PYCR3: variants seen among roughly 807,000 people sequenced by gnomAD.
PYCR3 encodes pyrroline-5-carboxylate reductase 3.
Under a neutral mutation model 23.4 loss-of-function variants are expected in PYCR3, and 26 were observed. The observed-to-expected ratio is 1.11, with a 90% CI of 0.81 to 1.54. The LOEUF (loss-of-function observed/expected upper bound fraction) is 1.54. Among genes scored for constraint, PYCR3 ranks in the 40% most tolerant of loss-of-function variants. PYCR3 has a pLI of 0.00. For synonymous variants in PYCR3, 194 were observed against 162.6 expected (o/e 1.19, Z -1.47); for missense variants, 360 against 376.3 (o/e 0.96, Z 0.36).
In PYCR3 at chr8:143,607,140, A is replaced by G. The variant is rs1043259812; in HGVS notation, c.157-8T>C. 5 of 1,553,390 alleles carry G rather than the reference A, an allele frequency of 3.2e-6. No homozygotes were observed. In the African/African-American group the frequency reaches 4.1e-5, roughly 13 times the overall value. On this transcript the variant is annotated splice_region_variant and splice_polypyrimidine_tract_variant and intron_variant, in intron 2 of 5. Coordinates refer to ENST00000495276, the MANE Select transcript of PYCR3 (RefSeq NM_023078.6). ...GGTCCGGCAACCCAGAGCCTGCGCCAGGGACACCAGGACCAAGCCTCAGGG... is the reference window on the plus strand; with the variant it reads ...GGTCCGGCAACCCAGAGCCTGCGCCGGGGACACCAGGACCAAGCCTCAGGG...
At position 143,605,475 on chromosome 8, in the gene PYCR3, C is replaced by T. The variant is rs778828658; in HGVS notation, c.*225G>A. 7.2e-6 allele frequency: 4 copies of T among 554,628 alleles called. No homozygotes were observed. Among genetic ancestry groups the T allele is most frequent in the Admixed American group, 3.1e-5 (1 of 32,228 alleles). 34.4% of individuals were successfully genotyped at this position (554,628 alleles called of 1,614,324 possible). A position where few individuals can be genotyped will look rare whatever the true frequency, so the allele number is the denominator to read the frequency against. ...TCACTGCAGCAAGGGGCAGAGCCAC[C>T]ACCACGGTGCCTTCTGCTCACTGGG... On this transcript the variant is annotated 3_prime_UTR_variant, in exon 6 of 6. Transcript: ENST00000495276.
chr8:143,608,505 ACAGAAGGCCCAATCGGG>A, intron 1 of PYCR3: 1 of 337,930 alleles, frequency 3.0e-6, no homozygotes, highest in South Asian at 2.7e-5. Flanking sequence ...TTGATTGGCC[ACAGAAGGCCCAATCGGG>A]GCCCAGGTTC....
rs746811521 is a variant in PYCR3, at chr8:143,606,694, G to A, written c.337-15C>T. On this transcript the variant is annotated splice_polypyrimidine_tract_variant and intron_variant, in intron 3 of 5. Transcript: ENST00000495276. ...GGGGGCAGCAGCTGGCCAGAGAGAG[G>A]TCAGAATCAGGGAGTCTGTAGGACT... 8.9e-6 allele frequency: 14 copies of A among 1,569,854 alleles called. No homozygotes were observed. Among genetic ancestry groups the A allele is most frequent in the East Asian group, 2.3e-5 (1 of 42,646 alleles).
rs59904082 is a variant in PYCR3, at chr8:143,607,785, G to A, written c.156+277C>T. 0.014 allele frequency among the ~76,000 whole-genome samples: 2,068 copies of A among 151,902 alleles called. 48 individuals are homozygous for A. Among genetic ancestry groups the A allele is most frequent in the African/African-American group, 0.046 (1,890 of 41,416 alleles). ...AGCACATACATACACACATGCACAC[G>A]CATAGCCTCACATATACACACGTGC... is the stretch of plus-strand genomic sequence containing the variant. On this transcript the variant is annotated intron_variant, in intron 2 of 5. Coordinates refer to ENST00000495276, the MANE Select transcript of PYCR3 (RefSeq NM_023078.6).
In PYCR3 at chr8:143,604,503, G is replaced by A; in HGVS notation, c.*1197C>T. The A allele has an allele frequency of 3.6e-6, 1 of 280,006 alleles. No individual in the cohort carries two copies. Among genetic ancestry groups the A allele is most frequent in the Non-Finnish European group, 7.0e-6 (1 of 143,088 alleles). The allele number at this position is 280,006 out of a possible 1,614,324, so 17.3% of individuals were successfully genotyped here. The stretch of plus-strand genomic sequence containing the variant: ...CTGTTTTGCACTGGTGGATTGATCT[G>A]CTCAGGCGCACAGGGAGATGGCACA... On this transcript the variant is annotated 3_prime_UTR_variant, in exon 6 of 6. Transcript: ENST00000495276.
chr8:143,605,730 G>A lies in PYCR3; in HGVS notation c.795C>T (p.Thr265=), dbSNP rs374752708. Residue 265 remains threonine, a synonymous_variant, in exon 6 of 6, where the codon ACC becomes ACT. Coordinates refer to ENST00000495276, the MANE Select transcript of PYCR3 (RefSeq NM_023078.6). ...AATMSAVEAA[T]CRAKELSRK Reference sequence around the variant, plus strand: ...TTCTGCTGAGCTCCTTGGCCCGGCAGGTGGCAGCCTCCACGGCGCTCATGG... The same window carrying A: ...TTCTGCTGAGCTCCTTGGCCCGGCAAGTGGCAGCCTCCACGGCGCTCATGG... 5 of 1,604,390 alleles carry A rather than the reference G, an allele frequency of 3.1e-6. No homozygotes were observed. In the African/African-American group the frequency reaches 6.7e-5, roughly 21 times the overall value.
intron 1 of PYCR3, chr8:143,608,716 A>C (rs10097337): frequency 0.62 from 246,354 of 400,048 alleles, 78,748 homozygotes; most frequent in Middle Eastern, 0.68. Context: ...GTGGCAGCCA[A>C]ACACACCAGT....
Position 143,608,979 on chromosome 8 carries a change from G to A in PYCR3, c.91+479C>T, listed in dbSNP as rs1829473285. On this transcript the variant is annotated intron_variant, in intron 1 of 5. Coordinates refer to ENST00000495276, the MANE Select transcript of PYCR3 (RefSeq NM_023078.6). Reference sequence around the variant, plus strand: ...TATATGGTCAGCATAAATATTCCGGGTATAAAGCAGTGTTTCTCAACAGGG... The same window carrying A: ...TATATGGTCAGCATAAATATTCCGGATATAAAGCAGTGTTTCTCAACAGGG... 5 of 440,010 alleles carry A rather than the reference G, an allele frequency of 1.1e-5. 1 individual carries two copies. The highest frequency in any genetic ancestry group is 8.0e-5 in the South Asian group (5 of 62,546). 27.3% of individuals were successfully genotyped at this position (440,010 alleles called of 1,614,324 possible).
chr8:143,609,436 G>C, intron 1 of PYCR3, 22 bp downstream of exon 1: 1 of 1,491,002 alleles, frequency 6.7e-7, no homozygotes, highest in Non-Finnish European at 8.9e-7. Flanking sequence ...CAGACCGCAG[G>C]CCTAGCCCCG....
chr8:143,604,366 G>GTC lies in PYCR3; in HGVS notation c.*1333_*1334insGA. 1 of 157,038 alleles carries GTC rather than the reference G, an allele frequency of 6.4e-6. No homozygotes were observed. The highest frequency in any genetic ancestry group is 6.4e-5 in the Admixed American group (1 of 15,528). The allele number at this position is 157,038 out of a possible 1,614,324, so 9.7% of individuals were successfully genotyped here. On this transcript the variant is annotated 3_prime_UTR_variant, in exon 6 of 6. Coordinates refer to ENST00000495276, the MANE Select transcript of PYCR3 (RefSeq NM_023078.6). ...AGGCAGGGGAGGGAGCTTACGGACGGGCTAGGCTCAGGAGAGTAAGAGAGA... is the reference window on the plus strand; with the variant it reads ...AGGCAGGGGAGGGAGCTTACGGACGGTCGCTAGGCTCAGGAGAGTAAGAGAGA...
Position 143,606,101 on chromosome 8 carries a change from G to A in PYCR3, c.603C>T (p.Pro201=), listed in dbSNP as rs1829389055. ...LAEGAVKMGM[P]SSLAHRIAAQ... ...CAGCGATGCGGTGGGCCAGGCTGCT[G>A]GGCATGCCCATCTTGACGGCTCCTT... Residue 201 remains proline (P), a synonymous_variant, in exon 5 of 6, where the codon CCC becomes CCT. Coordinates refer to ENST00000495276, the MANE Select transcript of PYCR3 (RefSeq NM_023078.6). The A allele has an allele frequency of 2.5e-6, 4 of 1,610,878 alleles. No individual in the cohort carries two copies. The highest frequency in any genetic ancestry group is 1.3e-5 in the African/African-American group (1 of 74,918).
intron 4 of PYCR3, 52 bp downstream of exon 4, chr8:143,606,415 G>C: frequency 6.4e-7 from 1 of 1,570,892 alleles, no homozygotes. Flanking sequence ...GGACTGGGGT[G>C]GGCCCCCTCT....
intron 1 of PYCR3, among the ~76,000 whole-genome samples, chr8:143,609,209 G>A (rs1204830481): frequency 6.6e-6 from 1 of 152,264 alleles, no homozygotes; most frequent in African/African-American, 2.4e-5. Flanking sequence ...GAGGCTGGAA[G>A]AGGTGAGCCT....
In PYCR3 at chr8:143,605,695, C is replaced by T; in HGVS notation, c.*5G>A. ...AGAGGCAGGAAAGGATGGCCAGAGCCCAGCCTACTTTCTGCTGAGCTCCTT... is the reference window on the plus strand; with the variant it reads ...AGAGGCAGGAAAGGATGGCCAGAGCTCAGCCTACTTTCTGCTGAGCTCCTT... On this transcript the variant is annotated 3_prime_UTR_variant, in exon 6 of 6. Coordinates refer to ENST00000495276, the MANE Select transcript of PYCR3 (RefSeq NM_023078.6). 3 of 1,589,144 alleles carry T rather than the reference C, an allele frequency of 1.9e-6. No individual in the cohort carries two copies. Among genetic ancestry groups the T allele is most frequent in the Non-Finnish European group, 2.6e-6 (3 of 1,162,764 alleles).
At position 143,605,650 on chromosome 8, in the gene PYCR3, A is replaced by T; in HGVS notation, c.*50T>A. The T allele has an allele frequency of 6.5e-7, 1 of 1,527,052 alleles. No homozygotes were observed. The highest frequency in any genetic ancestry group is 8.9e-7 in the Non-Finnish European group (1 of 1,121,228). The allele number at this position is 1,527,052 out of a possible 1,614,324, so 94.6% of individuals were successfully genotyped here. ...AGCCGCAGTCCTCAGGGGAAGGGAC[A>T]CAGGGAGAGGCAGGGGCACAGAGGC... On this transcript the variant is annotated 3_prime_UTR_variant, in exon 6 of 6. Transcript: ENST00000495276.
rs780229319 is a variant in PYCR3 at position 143,603,730 on chromosome 8, G to A, written c.*1970C>T. 1.1e-4 allele frequency among the ~76,000 whole-genome samples: 17 copies of A among 152,184 alleles called. No homozygotes were observed. The highest frequency in any genetic ancestry group is 3.4e-4 in the African/African-American group (14 of 41,446). Reference sequence around the variant, plus strand: ...GCATACAGTCCCCTGGGGTGACAGCGTGCAGGGGAAACTGCAATTCCATGC... The same window carrying A: ...GCATACAGTCCCCTGGGGTGACAGCATGCAGGGGAAACTGCAATTCCATGC... On this transcript the variant is annotated 3_prime_UTR_variant, in exon 6 of 6. Coordinates refer to ENST00000495276, the MANE Select transcript of PYCR3 (RefSeq NM_023078.6).
chr8:143,606,525 T>G lies in PYCR3; in HGVS notation c.491A>C (p.Glu164Ala). ...GATGTCGACGTAGGCTTCAGGCACC[T>G]CCTCACACCGCCCACAGGCCTCCAG... ...HLLEACGRCE[E>A]VPEAYVDIHT... Residue 164 changes from glutamate to alanine, a missense_variant, in exon 4 of 6, where the codon GAG (glutamate) becomes GCG (alanine). Physicochemically the swap from Glu to Ala is moderately radical, Grantham distance 107 (BLOSUM62 -1). Coordinates refer to ENST00000495276, the MANE Select transcript of PYCR3 (RefSeq NM_023078.6). 2.5e-6 allele frequency: 4 copies of G among 1,612,796 alleles called. No individual in the cohort carries two copies. The highest frequency in any genetic ancestry group is 2.2e-5 in the East Asian group (1 of 44,870).
Position 143,608,095 on chromosome 8 carries a change from A to G in PYCR3, c.123T>C (p.Ser41=). The G allele has an allele frequency of 6.2e-7, 1 of 1,613,698 alleles. No homozygotes were observed. Among genetic ancestry groups the G allele is most frequent in the Non-Finnish European group, 8.5e-7 (1 of 1,179,706 alleles). Residue 41 remains serine (S), a synonymous_variant, in exon 2 of 6, where the codon AGT becomes AGC. Coordinates refer to ENST00000495276, the MANE Select transcript of PYCR3 (RefSeq NM_023078.6). Reference sequence around the variant, plus strand: ...GACATAGGTTCCTGTCTGTTGGTGCACTGGCCAGTATGTGCTGAGCTTCCA... The same window carrying G: ...GACATAGGTTCCTGTCTGTTGGTGCGCTGGCCAGTATGTGCTGAGCTTCCA... ...GKVEAQHILA[S]APTDRNLCHF...
At position 143,605,561 on chromosome 8, in the gene PYCR3, C is replaced by T. The variant is rs1333618972; in HGVS notation, c.*139G>A. On this transcript the variant is annotated 3_prime_UTR_variant, in exon 6 of 6. Transcript: ENST00000495276. ...GCCTGCTGGAACCTCCCAAGTCCTG[C>T]CCCCTGCATTTCCCTGTGCAAGGGG... 1 of 820,840 alleles carries T rather than the reference C, an allele frequency of 1.2e-6. No individual in the cohort carries two copies. Among genetic ancestry groups the T allele is most frequent in the African/African-American group, 1.7e-5 (1 of 58,024 alleles). 50.8% of individuals were successfully genotyped at this position (820,840 alleles called of 1,614,324 possible).
Sources: allele counts gnomAD v4.1 joint callset (sites outside exome capture counted in the v4.1 genomes callset), GRCh38; gene constraint gnomAD v4.1.1; transcripts MANE v1.5; gene names NCBI Gene and HGNC (gene_info 2026-07-23, HGNC 2026-07-21).